The following PCDHA11 variants were observed in gnomAD, a reference collection of about 807,000 sequenced individuals.
PCDHA11 encodes the protein protocadherin alpha 11.
A neutral mutation model predicts 70.3 loss-of-function variants in PCDHA11; 61 were observed. The ratio of observed to expected loss-of-function variants is 0.87; its 90% CI spans 0.71 to 1.07. PCDHA11 has a LOEUF of 1.07. Ranked by LOEUF, PCDHA11 falls within the 50% of genes least tolerant of loss-of-function variation. The pLI is 0.00. For synonymous variants in PCDHA11, 633 were observed against 555.1 expected, an observed-to-expected ratio of 1.14 and a Z score of -1.97; for missense variants, 1,324 against 1,237.5, an observed-to-expected ratio of 1.07 and a Z score of -1.05.
intron 1 of PCDHA11, among the ~76,000 whole-genome samples, chr5:140,923,395 G>A (rs782033907): frequency 6.6e-6 from 1 of 152,240 alleles, no homozygotes; most frequent in South Asian, 2.1e-4. Flanking sequence ...GGGCATGGTG[G>A]TGTGTGCCTA....
intron 1 of PCDHA11, chr5:140,882,011 ATAC>A (rs1437092618): frequency 3.8e-6 from 2 of 531,314 alleles, no homozygotes; most frequent in Admixed American, 3.8e-5. Flanking sequence ...GGGCAAAAAA[ATAC>A]TACATCAATG....
At chr5:140,971,630 C>A (rs1281130153) in intron 1 of PCDHA11, among the ~76,000 whole-genome samples, 1 of 151,972 alleles carries the variant, frequency 6.6e-6, no homozygotes, top group Non-Finnish European at 1.5e-5. Context: ...ACAATTAGTA[C>A]CATGTGCCTA....
intron 1 of PCDHA11, among the ~76,000 whole-genome samples, chr5:140,903,580 G>T (rs2070406453): frequency 6.6e-6 from 1 of 152,154 alleles, no homozygotes; most frequent in South Asian, 2.1e-4. Context: ...CTGTCTAGCT[G>T]GTGTTGGCCT....
chr5:140,924,472 GT>G (rs1436957745), intron 1 of PCDHA11, among the ~76,000 whole-genome samples: 2 of 152,188 alleles, frequency 1.3e-5, no homozygotes, highest in African/African-American at 4.8e-5. Context: ...GAGGTAACTG[GT>G]TTTTAGTGGA....
chr5:140,883,126 G>A (rs781992873), intron 1 of PCDHA11: 2 of 1,614,036 alleles, frequency 1.2e-6, no homozygotes, highest in South Asian at 1.1e-5. Context: ...GGCCTGTATG[G>A]CCTGCAGTGG....
At chr5:140,882,188 A>G (rs1446435577) in intron 1 of PCDHA11, 6 of 1,519,650 alleles carry the variant, frequency 3.9e-6, no homozygotes, top group African/African-American at 1.4e-5. Context: ...CTAGGAAGCC[A>G]TAAAAATTGG....
At chr5:140,944,678 A>G (rs1483326984) in intron 1 of PCDHA11, among the ~76,000 whole-genome samples, 4 of 152,162 alleles carry the variant, frequency 2.6e-5, no homozygotes, top group African/African-American at 9.7e-5. Context: ...TATTCTGTGT[A>G]TCCTATTAAT....
At chr5:140,997,510 C>T (rs536611731) in intron 3 of PCDHA11, among the ~76,000 whole-genome samples, 60 of 152,102 alleles carry the variant, frequency 3.9e-4, no homozygotes, top group Non-Finnish European at 6.9e-4. Context: ...CATACCTAAA[C>T]GCAGAAAAAG....
rs2053076165 is a variant in PCDHA11, at chr5:140,871,433, T to C, written c.2330T>C (p.Leu777Pro). 3 of 1,612,290 alleles carry C rather than the reference T, an allele frequency of 1.9e-6. No homozygotes were observed. The highest frequency in any genetic ancestry group is 2.5e-6 in the Non-Finnish European group (3 of 1,179,114). ...ATGGCCTTCAGCCCCAGTCTTCCTCTAGGTCTGAATAAAGAGGAGGAAGGG... is the reference window on the plus strand; with the variant it reads ...ATGGCCTTCAGCCCCAGTCTTCCTCCAGGTCTGAATAAAGAGGAGGAAGGG... ...DLMAFSPSLP[L>P]GLNKEEEGER... The change falls in exon 1 of 4, where the codon CTA (leucine) becomes CCA (proline). Residue 777 changes from leucine to proline, a missense_variant. Physicochemically the swap from Leu to Pro is moderately conservative, Grantham distance 98. Coordinates refer to ENST00000398640, the MANE Select transcript of PCDHA11 (RefSeq NM_018902.5).
intron 1 of PCDHA11, among the ~76,000 whole-genome samples, chr5:140,906,130 C>T (rs1554192409): frequency 6.6e-6 from 1 of 152,112 alleles, no homozygotes; most frequent in African/African-American, 2.4e-5. Flanking sequence ...AAATGTTAGT[C>T]TCCTTTGATA....
At chr5:140,967,279 T>A in intron 1 of PCDHA11, 1 of 1,613,002 alleles carries the variant, frequency 6.2e-7, no homozygotes, top group Non-Finnish European at 8.5e-7. Context: ...ACATAGAGAG[T>A]GCGCAGGACC....
Position 140,870,763 on chromosome 5 carries a change from G to C in PCDHA11, c.1660G>C (p.Val554Leu), listed in dbSNP as rs1386684596. The stretch of plus-strand genomic sequence containing the variant: ...CAGCAACGTGACGCTGCAGGTGTTC[G>C]TGCTGGACGAGAACGACAACGCGCC... ...LSSNVTLQVF[V>L]LDENDNAPAL... is the part of the protein sequence containing the mutation. The change falls in exon 1 of 4, where the codon GTG becomes CTG. Residue 554 changes from valine to leucine, a missense_variant. Val to Leu is a conservative substitution (Grantham distance 32). Transcript: ENST00000398640. 1.1e-5 allele frequency: 18 copies of C among 1,613,434 alleles called. No individual in the cohort carries two copies. Among genetic ancestry groups the C allele is most frequent in the Admixed American group, 3.3e-5 (2 of 60,004 alleles).
chr5:140,884,709 C>T (rs2060331114), intron 1 of PCDHA11: 1 of 1,477,632 alleles, frequency 6.8e-7, no homozygotes. Context: ...CTTTAGCCTT[C>T]CTTGCAGTTG....
chr5:140,961,776 A>G (rs1554225585), intron 1 of PCDHA11, among the ~76,000 whole-genome samples: 1 of 152,188 alleles, frequency 6.6e-6, no homozygotes, highest in African/African-American at 2.4e-5. Flanking sequence ...ATCAAGCTTA[A>G]TGGCACTTTT....
At chr5:141,005,352 GGAATGTCATA>G (rs1261780276) in intron 3 of PCDHA11, among the ~76,000 whole-genome samples, 2 of 152,178 alleles carry the variant, frequency 1.3e-5, no homozygotes, top group Non-Finnish European at 2.9e-5. Flanking sequence ...TGCTTGGCTA[GGAATGTCATA>G]GAATGCCTTT....
At chr5:140,913,021 A>G (rs548086979) in intron 1 of PCDHA11, among the ~76,000 whole-genome samples, 1 of 152,154 alleles carries the variant, frequency 6.6e-6, no homozygotes, top group South Asian at 2.1e-4. Context: ...TTTTGCATCA[A>G]TATTCATCAG....
At chr5:140,885,424 A>G (rs1311599501) in intron 1 of PCDHA11, among the ~76,000 whole-genome samples, 4 of 152,148 alleles carry the variant, frequency 2.6e-5, no homozygotes, top group African/African-American at 7.2e-5. Context: ...AGTATTCCAC[A>G]GTGTAAGTGT....
At chr5:140,927,940 C>T (rs1247043975) in intron 1 of PCDHA11, 1 of 1,614,108 alleles carries the variant, frequency 6.2e-7, no homozygotes, top group African/African-American at 1.3e-5. Flanking sequence ...GAACCCAGTA[C>T]CTGAGGACGC....
At chr5:140,884,104 G>C in intron 1 of PCDHA11, 1 of 1,613,464 alleles carries the variant, frequency 6.2e-7, no homozygotes, top group African/African-American at 1.3e-5. Flanking sequence ...ATGAATTGCA[G>C]CTGGCGGCGG....
Sources: gnomAD v4.1 joint callset for allele counts (sites outside exome capture counted in the v4.1 genomes callset) on GRCh38, gnomAD v4.1.1 for gene constraint, MANE v1.5 for transcripts, NCBI Gene and HGNC (gene_info 2026-07-23, HGNC 2026-07-21) for gene names.